CDK5RAP2: variants seen among roughly 807,000 people sequenced by gnomAD.
The protein encoded by CDK5RAP2 is CDK5 regulatory subunit-associated protein 2.
In CDK5RAP2, 147 loss-of-function variants were observed where a neutral mutation model predicts 232.9. That is an observed-to-expected ratio of 0.63 (90% CI 0.55 to 0.72). The LOEUF is 0.72. Ranked by LOEUF, CDK5RAP2 falls within the 30% of genes least tolerant of loss-of-function variation. The pLI, the probability that CDK5RAP2 is intolerant of heterozygous loss-of-function variation, is 0.00. For missense variants in CDK5RAP2, 2,195 were observed against 2,231.5 expected (o/e 0.98, Z 0.33); for synonymous variants, 833 against 833.7 (o/e 1.00, Z 0.01).
chr9:120,459,028 A>G (rs796257815), intron 19 of CDK5RAP2, among the ~76,000 whole-genome samples: 61 of 152,342 alleles, frequency 4.0e-4, no homozygotes, highest in African/African-American at 1.2e-3. Context: ...CCAATCCTTG[A>G]AAGTTCTTCC....
intron 35 of CDK5RAP2, among the ~76,000 whole-genome samples, chr9:120,399,945 T>C (rs2032851668): frequency 6.6e-6 from 1 of 152,204 alleles, no homozygotes; most frequent in South Asian, 2.1e-4. Context: ...ACCTGAGAGC[T>C]GTCAAAAGGG....
rs1344559712 is a variant in CDK5RAP2 at position 120,394,734 on chromosome 9, C to G, written c.5452-96G>C. 2.9e-6 allele frequency: 3 copies of G among 1,026,030 alleles called. No individual in the cohort carries two copies. In the South Asian group the frequency reaches 4.1e-5, roughly 14 times the overall value. The allele number at this position is 1,026,030 out of a possible 1,614,324, so 63.6% of individuals were successfully genotyped here. On this transcript the variant is annotated intron_variant, in intron 35 of 37. Coordinates refer to ENST00000349780, the MANE Select transcript of CDK5RAP2 (RefSeq NM_018249.6). ...GCCATATAAAAAGATGATGCTCAAC[C>G]TCACTAGCAAAAATATTTGAATGGA...
intron 17 of CDK5RAP2, among the ~76,000 whole-genome samples, 173 bp downstream of exon 17, chr9:120,469,938 C>T (rs1468795762): frequency 2.0e-5 from 3 of 151,822 alleles, no homozygotes; most frequent in Non-Finnish European, 4.4e-5. Context: ...TTATCAGACA[C>T]GAGGGAAGGT....
At chr9:120,419,997 T>A in intron 26 of CDK5RAP2, 37 bp from the exon 27 acceptor site, 2 of 1,556,758 alleles carry the variant, frequency 1.3e-6, no homozygotes, top group Non-Finnish European at 1.8e-6. Context: ...TCATCTCCCA[T>A]GCTAAAATCC....
intron 18 of CDK5RAP2, 55 bp downstream of exon 18, chr9:120,467,805 C>A: frequency 1.3e-6 from 2 of 1,598,454 alleles, no homozygotes. Context: ...GCCACCATAC[C>A]AAGCCGGTTG....
chr9:120,538,762 C>G (rs1306881975), intron 6 of CDK5RAP2, among the ~76,000 whole-genome samples: 1 of 152,182 alleles, frequency 6.6e-6, no homozygotes, highest in Admixed American at 6.5e-5. Flanking sequence ...ATTAAACCTA[C>G]TAGTATTAGG....
chr9:120,564,842 G>GGA (rs895189055), intron 3 of CDK5RAP2, among the ~76,000 whole-genome samples: 4 of 152,136 alleles, frequency 2.6e-5, no homozygotes, highest in African/African-American at 9.7e-5. Flanking sequence ...TTTTTTAAAG[G>GGA]GAGAGAGAGA....
chr9:120,541,962 C>A (rs1364127918), intron 5 of CDK5RAP2, among the ~76,000 whole-genome samples: 1 of 152,216 alleles, frequency 6.6e-6, no homozygotes. Flanking sequence ...AAGCCAGATT[C>A]TATAAATGCC....
intron 12 of CDK5RAP2, among the ~76,000 whole-genome samples, chr9:120,496,648 C>T (rs2039270006): frequency 6.9e-6 from 1 of 144,876 alleles, no homozygotes; most frequent in East Asian, 2.1e-4. Context: ...AAGTGAGGAG[C>T]CCCTCTGCCC....
chr9:120,522,246 T>G lies in CDK5RAP2; in HGVS notation c.1092+2740A>C, dbSNP rs2040701179. On this transcript the variant is annotated intron_variant, in intron 11 of 37. Transcript: ENST00000349780. ...ACTGATGTCAATGACCTGGCAGTGA[T>G]ATTACATCACAATTATGCAAGATGT... is the stretch of plus-strand genomic sequence containing the variant. 3.3e-5 allele frequency among the ~76,000 whole-genome samples: 5 copies of G among 152,214 alleles called. No homozygotes were observed. In the South Asian group the frequency reaches 1.0e-3, roughly 32 times the overall value.
At position 120,528,790 on chromosome 9, in the gene CDK5RAP2, T is replaced by C. The variant is rs760961301; in HGVS notation, c.833A>G (p.Gln278Arg). The C allele has an allele frequency of 5.6e-6, 9 of 1,609,782 alleles. No individual in the cohort carries two copies. The highest frequency in any genetic ancestry group is 2.2e-5 in the East Asian group (1 of 44,874). Reference protein sequence around the residue: ...EEKERETEAAQMEHQKERNSF... With the variant: ...EEKERETEAARMEHQKERNSF... ...GTTTCTCTCCTTCTGATGCTCCATTTGTGCAGCCTAAGAAAAGGCATTAAT... is the reference window on the plus strand; with the variant it reads ...GTTTCTCTCCTTCTGATGCTCCATTCGTGCAGCCTAAGAAAAGGCATTAAT... The change falls in exon 9 of 38, where the codon CAA becomes CGA. Residue 278 changes from glutamine (Q) to arginine (R), a missense_variant. Transcript: ENST00000349780.
intron 28 of CDK5RAP2, among the ~76,000 whole-genome samples, chr9:120,413,845 A>AGGAGGAG (rs2034034298): frequency 7.1e-6 from 1 of 140,998 alleles, no homozygotes; most frequent in African/African-American, 2.7e-5. Context: ...GGAGGAGGGA[A>AGGAGGAG]GGAGGAGGGA....
intron 4 of CDK5RAP2, among the ~76,000 whole-genome samples, chr9:120,548,614 C>T (rs1169459882): frequency 1.3e-5 from 2 of 152,106 alleles, no homozygotes; most frequent in Non-Finnish European, 2.9e-5. Context: ...CAAGACCAGC[C>T]TTGGGCAACA....
intron 28 of CDK5RAP2, among the ~76,000 whole-genome samples, chr9:120,414,093 G>A (rs964664125): frequency 6.6e-6 from 1 of 152,138 alleles, no homozygotes; most frequent in African/African-American, 2.4e-5. Flanking sequence ...GCTTTGCAAC[G>A]TTATACAGAA....
At chr9:120,568,742 A>G (rs2042738886) in intron 2 of CDK5RAP2, among the ~76,000 whole-genome samples, 2 of 152,182 alleles carry the variant, frequency 1.3e-5, no homozygotes, top group Non-Finnish European at 2.9e-5. Context: ...AACAAAGCAC[A>G]TCTAACTGAC....
chr9:120,538,806 G>A (rs1275413250), intron 6 of CDK5RAP2, among the ~76,000 whole-genome samples: 5 of 152,184 alleles, frequency 3.3e-5, no homozygotes, highest in African/African-American at 1.2e-4. Context: ...ACTTCTCTCT[G>A]TATCTCAGGG....
At chr9:120,579,593 C>T (rs1332503425) in intron 1 of CDK5RAP2, among the ~76,000 whole-genome samples, 1 of 152,202 alleles carries the variant, frequency 6.6e-6, no homozygotes, top group Non-Finnish European at 1.5e-5. Context: ...CCCTCAAGGT[C>T]CCTGTTCTCC....
chr9:120,546,619 GT>G (rs1487081278), intron 4 of CDK5RAP2, among the ~76,000 whole-genome samples: 4 of 151,324 alleles, frequency 2.6e-5, no homozygotes, highest in Admixed American at 6.6e-5. Flanking sequence ...TCTCCCTTTT[GT>G]TTTTTTGTTT....
At chr9:120,393,543 C>G (rs1281890160) in intron 36 of CDK5RAP2, among the ~76,000 whole-genome samples, 1 of 152,246 alleles carries the variant, frequency 6.6e-6, no homozygotes, top group Non-Finnish European at 1.5e-5. Context: ...AGAAAAAGTG[C>G]TGCAGTCAGC....
Sources: gnomAD v4.1 joint callset for allele counts (sites outside exome capture counted in the v4.1 genomes callset) on GRCh38, gnomAD v4.1.1 for gene constraint, MANE v1.5 for transcripts, NCBI Gene and HGNC (gene_info 2026-07-23, HGNC 2026-07-21) for gene names.